Variants in PARP15 observed in about 807,000 individuals in gnomAD.
PARP15 encodes protein mono-ADP-ribosyltransferase PARP15.
PARP15 carries 50 observed loss-of-function variants against 62.1 expected under a neutral mutation model. The ratio of observed to expected loss-of-function variants is 0.81; its 90% CI spans 0.64 to 1.02. The LOEUF (loss-of-function observed/expected upper bound fraction) is 1.02. Ranked by LOEUF, PARP15 falls within the 50% of genes least tolerant of loss-of-function variation. PARP15 has a pLI of 0.00. For missense variants in PARP15, 820 were observed against 826.5 expected, an observed-to-expected ratio of 0.99 and a Z score of 0.10; for synonymous variants, 309 against 293.1, an observed-to-expected ratio of 1.05 and a Z score of -0.55.
chr3:122,607,316 T>A (rs1207211701), intron 2 of PARP15, among the ~76,000 whole-genome samples: 1 of 152,154 alleles, frequency 6.6e-6, no homozygotes, highest in Non-Finnish European at 1.5e-5. Context: ...AGGCATAGTG[T>A]GGTGGGTAAG....
At chr3:122,633,384 G>A (rs1345531385) in intron 10 of PARP15, among the ~76,000 whole-genome samples, 1 of 152,200 alleles carries the variant, frequency 6.6e-6, no homozygotes, top group African/African-American at 2.4e-5. Context: ...GAGATACCTC[G>A]TGGTGTTAAA....
chr3:122,621,510 A>G lies in PARP15; in HGVS notation c.1130A>G (p.His377Arg), dbSNP rs1936337927. ...TGCTTAAAGTGCAAAATAATAATTC[A>G]TGTTCCTGGGGGAAAAGATGTCAGG... Reference protein sequence around the residue: ...GGCLKCKIIIHVPGGKDVRKT... With the variant: ...GGCLKCKIIIRVPGGKDVRKT... The change falls in exon 8 of 12, where the codon CAT (histidine) becomes CGT (arginine). Residue 377 changes from histidine (H) to arginine (R), a missense_variant. By Grantham distance (29) the His-to-Arg change is conservative. Transcript: ENST00000464300. 6.2e-7 allele frequency: 1 copy of G among 1,613,804 alleles called. No homozygotes were observed. The highest frequency in any genetic ancestry group is 1.7e-5 in the Admixed American group (1 of 59,956).
chr3:122,587,359 T>C (rs1933526818), intron 1 of PARP15, among the ~76,000 whole-genome samples: 1 of 152,212 alleles, frequency 6.6e-6, no homozygotes, highest in African/African-American at 2.4e-5. Flanking sequence ...TTTAGATTTG[T>C]AAGAAACTGC....
chr3:122,577,923 A>G, intron 1 of PARP15, 70 bp downstream of exon 1: 1 of 1,436,576 alleles, frequency 7.0e-7, no homozygotes, highest in Non-Finnish European at 9.2e-7. Context: ...AAGACCCAGC[A>G]GCCCGAGCGG....
intron 9 of PARP15, among the ~76,000 whole-genome samples, chr3:122,629,972 A>G (rs1042685286): frequency 2.0e-5 from 3 of 152,132 alleles, no homozygotes; most frequent in Admixed American, 6.5e-5. Context: ...CCTGCCGCTC[A>G]CCTCCTGCTG....
At position 122,583,851 on chromosome 3, in the gene PARP15, G is replaced by A. The variant is rs564434253; in HGVS notation, c.186+5998G>A. Among the ~76,000 whole-genome samples, 5 of 152,268 alleles carry A rather than the reference G, an allele frequency of 3.3e-5. No individual in the cohort carries two copies. In the South Asian group the frequency reaches 1.0e-3, roughly 32 times the overall value. ...GGGGGATCCTCTGTAGACTTCTGGA[G>A]CTCTTTGCGCAACTCTCTCCTCTCC... On this transcript the variant is annotated intron_variant, in intron 1 of 11. Coordinates refer to ENST00000464300, the MANE Select transcript of PARP15 (RefSeq NM_001113523.3).
intron 1 of PARP15, among the ~76,000 whole-genome samples, chr3:122,579,985 A>C (rs1348852936): frequency 1.2e-4 from 15 of 126,960 alleles, no homozygotes; most frequent in Non-Finnish European, 1.8e-4. Flanking sequence ...TCTGAACAAC[A>C]ACAGCAACTA....
intron 2 of PARP15, among the ~76,000 whole-genome samples, chr3:122,607,261 T>G (rs1170996061): frequency 6.6e-6 from 1 of 152,188 alleles, no homozygotes; most frequent in Non-Finnish European, 1.5e-5. Flanking sequence ...CCAGAAGAAC[T>G]GGATGATATA....
chr3:122,598,762 T>C (rs1297961606), intron 1 of PARP15, among the ~76,000 whole-genome samples: 2 of 152,174 alleles, frequency 1.3e-5, no homozygotes, highest in Non-Finnish European at 2.9e-5. Context: ...ACTTTCACTA[T>C]CCAAGAAGGT....
intron 1 of PARP15, among the ~76,000 whole-genome samples, chr3:122,597,015 C>A (rs1286690469): frequency 6.6e-6 from 1 of 152,160 alleles, no homozygotes; most frequent in Admixed American, 6.5e-5. Flanking sequence ...AACAAAATAC[C>A]TTAGACCAGG....
rs66536667 is a variant in PARP15 at position 122,591,764 on chromosome 3, CAAAAAAA to C, written c.186+13922_186+13928del. Among the ~76,000 whole-genome samples the C allele has an allele frequency of 2.9e-5, 3 of 103,418 alleles. No individual in the cohort carries two copies. In the South Asian group the frequency reaches 1.1e-3, roughly 37 times the overall value. The allele number at this position is 103,418 out of a possible 152,430, so 67.8% of individuals were successfully genotyped here. On this transcript the variant is annotated intron_variant, in intron 1 of 11. Transcript: ENST00000464300. ...CTGGTGACAGAGCGAGACTCTGTCT[CAAAAAAA>C]AAAAAAAAAAGGTATTGATAAGACA... is the stretch of plus-strand genomic sequence containing the variant.
chr3:122,613,450 TTCA>T (rs1161461540), intron 4 of PARP15, among the ~76,000 whole-genome samples, 182 bp downstream of exon 4: 1 of 152,212 alleles, frequency 6.6e-6, no homozygotes, highest in Non-Finnish European at 1.5e-5. Context: ...TCCTAGACAG[TTCA>T]TCAAGAGACA....
chr3:122,599,550 T>C (rs973254655), intron 1 of PARP15, among the ~76,000 whole-genome samples: 3 of 151,992 alleles, frequency 2.0e-5, no homozygotes, highest in Admixed American at 1.3e-4. Context: ...TTCTCTCTCT[T>C]TCTTTCTTTT....
At chr3:122,615,562 T>G in intron 4 of PARP15, 1 of 1,196,090 alleles carries the variant, frequency 8.4e-7, no homozygotes, top group South Asian at 1.6e-5. Flanking sequence ...GCCTGGACAG[T>G]GTTAGTTTAC....
At chr3:122,613,993 G>A (rs896351604) in intron 4 of PARP15, among the ~76,000 whole-genome samples, 2 of 151,862 alleles carry the variant, frequency 1.3e-5, no homozygotes, top group Non-Finnish European at 2.9e-5. Context: ...TTACAGGCAT[G>A]TGCTACCACG....
intron 8 of PARP15, among the ~76,000 whole-genome samples, chr3:122,625,421 T>G (rs1936656804): frequency 6.6e-6 from 1 of 152,078 alleles, no homozygotes; most frequent in Non-Finnish European, 1.5e-5. Flanking sequence ...GGCTGGCTAA[T>G]TTTTGTATTT....
intron 1 of PARP15, among the ~76,000 whole-genome samples, chr3:122,580,001 A>ATATATATATATG (rs1471238585): frequency 0.01 from 636 of 62,150 alleles, 12 homozygotes; most frequent in Non-Finnish European, 0.015. Flanking sequence ...AACTATATGT[A>ATATATATATATG]TATATATATA....
At position 122,598,313 on chromosome 3, in the gene PARP15, GT is replaced by G. The variant is rs372300372; in HGVS notation, c.187-7622del. ...AAACATTTATTATCTCACACTTTCTGTGATCAGGAATTTGAGAGCAGCTTAG... is the reference window on the plus strand; with the variant it reads ...AAACATTTATTATCTCACACTTTCTGGATCAGGAATTTGAGAGCAGCTTAG... On this transcript the variant is annotated intron_variant, in intron 1 of 11. Coordinates refer to ENST00000464300, the MANE Select transcript of PARP15 (RefSeq NM_001113523.3). Among the ~76,000 whole-genome samples, 110 of 152,304 alleles carry G rather than the reference GT, an allele frequency of 7.2e-4. No individual in the cohort carries two copies. In the South Asian group the frequency reaches 0.022, roughly 30 times the overall value.
At chr3:122,578,263 AGACTTTTAGTCATATTTTAATATAT>A in intron 1 of PARP15, among the ~76,000 whole-genome samples, 1 of 152,078 alleles carries the variant, frequency 6.6e-6, no homozygotes, top group South Asian at 2.1e-4. Context: ...TATGACGTCT[AGACTTTTAGTCATATTTTAATATAT>A]GACTTTTAGT....
Sources: allele counts gnomAD v4.1 joint callset (sites outside exome capture counted in the v4.1 genomes callset), GRCh38; gene constraint gnomAD v4.1.1; transcripts MANE v1.5; gene names NCBI Gene and HGNC (gene_info 2026-07-23, HGNC 2026-07-21).